Variants in ZNF385B observed in about 807,000 individuals in gnomAD.
ZNF385B encodes zinc finger protein 385B, also known as zinc finger protein 533.
A neutral mutation model predicts 39.2 loss-of-function variants in ZNF385B; 23 were observed. The observed-to-expected ratio is 0.59, with a 90% CI of 0.42 to 0.83. ZNF385B has a LOEUF of 0.83. ZNF385B is among the 40% of genes least tolerant of loss of function. ZNF385B has a pLI of 0.00. For synonymous variants in ZNF385B, 205 were observed against 222.6 expected (o/e 0.92, Z 0.70); for missense variants, 552 against 598.9 (o/e 0.92, Z 0.82).
chr2:179,748,479 A>G (rs989500735), intron 3 of ZNF385B, among the ~76,000 whole-genome samples: 11 of 152,088 alleles, frequency 7.2e-5, no homozygotes, highest in Non-Finnish European at 1.5e-4. Context: ...CAAAAGCAAA[A>G]TATCCATAAT....
At chr2:179,637,008 A>T (rs1691820975) in intron 3 of ZNF385B, among the ~76,000 whole-genome samples, 1 of 152,212 alleles carries the variant, frequency 6.6e-6, no homozygotes, top group Non-Finnish European at 1.5e-5. Context: ...ACCCAAGAGC[A>T]CTACAAGTAA....
intron 3 of ZNF385B, among the ~76,000 whole-genome samples, chr2:179,711,582 T>C (rs1700000347): frequency 6.6e-6 from 1 of 152,138 alleles, no homozygotes; most frequent in Non-Finnish European, 1.5e-5. Context: ...CTAAAGAATC[T>C]GGGAGTGGCC....
chr2:179,823,838 G>T (rs139814647), intron 1 of ZNF385B, among the ~76,000 whole-genome samples: 6 of 152,152 alleles, frequency 3.9e-5, no homozygotes, highest in Admixed American at 2.0e-4. Context: ...CCAAATATTT[G>T]CAAACACAAT....
At chr2:179,733,294 C>T (rs1229372725) in intron 3 of ZNF385B, among the ~76,000 whole-genome samples, 1 of 152,154 alleles carries the variant, frequency 6.6e-6, no homozygotes, top group Non-Finnish European at 1.5e-5. Context: ...GATGACTTCT[C>T]CTCTATATCT....
intron 5 of ZNF385B, among the ~76,000 whole-genome samples, chr2:179,516,940 G>A (rs1396665411): frequency 2.0e-5 from 3 of 151,782 alleles, no homozygotes; most frequent in Admixed American, 2.0e-4. Flanking sequence ...TAGTAGTCAA[G>A]GCGTTTTTTG....
At chr2:179,511,598 G>A (rs1041918099) in intron 5 of ZNF385B, among the ~76,000 whole-genome samples, 1 of 152,160 alleles carries the variant, frequency 6.6e-6, no homozygotes, top group East Asian at 1.9e-4. Context: ...GTCATTGAAC[G>A]ACTGCAGTTT....
At chr2:179,673,761 TTAATC>T (rs1299406206) in intron 3 of ZNF385B, among the ~76,000 whole-genome samples, 1 of 152,184 alleles carries the variant, frequency 6.6e-6, no homozygotes, top group East Asian at 1.9e-4. Flanking sequence ...TGGAATCTGT[TTAATC>T]TAAAGACAAT....
At chr2:179,485,666 T>G (rs1212257134) in intron 5 of ZNF385B, among the ~76,000 whole-genome samples, 1 of 152,202 alleles carries the variant, frequency 6.6e-6, no homozygotes, top group East Asian at 1.9e-4. Flanking sequence ...AAACATCATA[T>G]CTATATATTT....
chr2:179,807,023 A>C (rs568106063), intron 1 of ZNF385B, among the ~76,000 whole-genome samples: 1 of 152,346 alleles, frequency 6.6e-6, no homozygotes, highest in South Asian at 2.1e-4. Flanking sequence ...CATTCGGAAG[A>C]TATGTATTCT....
intron 3 of ZNF385B, among the ~76,000 whole-genome samples, chr2:179,723,264 A>T (rs566295329): frequency 6.6e-6 from 1 of 152,328 alleles, no homozygotes; most frequent in South Asian, 2.1e-4. Flanking sequence ...CACATCTCTT[A>T]AACCTGAAAC....
At chr2:179,652,842 G>C (rs1693320310) in intron 3 of ZNF385B, among the ~76,000 whole-genome samples, 1 of 39,702 alleles carries the variant, frequency 2.5e-5, no homozygotes, top group Admixed American at 2.8e-4. Flanking sequence ...ATTGAGCAAA[G>C]CACCAAAAAA....
intron 5 of ZNF385B, among the ~76,000 whole-genome samples, chr2:179,486,734 A>G (rs575314096): frequency 6.6e-6 from 1 of 152,212 alleles, no homozygotes; most frequent in South Asian, 2.1e-4. Context: ...AGGCAACATT[A>G]CGAGACCTTG....
chr2:179,665,194 A>G (rs1011408782), intron 3 of ZNF385B, among the ~76,000 whole-genome samples: 1 of 152,198 alleles, frequency 6.6e-6, no homozygotes, highest in Non-Finnish European at 1.5e-5. Flanking sequence ...ATGCTAATGT[A>G]TAGTAAGTGG....
At chr2:179,670,771 T>G (rs1022505785) in intron 3 of ZNF385B, among the ~76,000 whole-genome samples, 5 of 152,224 alleles carry the variant, frequency 3.3e-5, no homozygotes, top group Non-Finnish European at 4.4e-5. Flanking sequence ...TCTAAAGAGA[T>G]AAATTTTCTT....
chr2:179,497,517 C>A (rs2056341130), intron 5 of ZNF385B, among the ~76,000 whole-genome samples: 1 of 149,678 alleles, frequency 6.7e-6, no homozygotes, highest in Admixed American at 6.6e-5. Context: ...ATACTATTTG[C>A]AAACCTCATG....
chr2:179,741,445 G>A (rs1702081119), intron 3 of ZNF385B, among the ~76,000 whole-genome samples: 1 of 152,070 alleles, frequency 6.6e-6, no homozygotes, highest in Non-Finnish European at 1.5e-5. Flanking sequence ...GGGCAAAGGG[G>A]ATTTTGCAAT....
chr2:179,539,277 A>G (rs2059770230), intron 4 of ZNF385B, among the ~76,000 whole-genome samples: 2 of 152,092 alleles, frequency 1.3e-5, no homozygotes, highest in African/African-American at 4.8e-5. Context: ...TGCTCTTCTT[A>G]TAGGGCACTA....
At chr2:179,572,485 T>C (rs1685334192) in intron 3 of ZNF385B, among the ~76,000 whole-genome samples, 2 of 152,024 alleles carry the variant, frequency 1.3e-5, no homozygotes, top group African/African-American at 4.8e-5. Context: ...GAAGGCATCA[T>C]AGTAACCTAT....
intron 1 of ZNF385B, among the ~76,000 whole-genome samples, chr2:179,831,536 T>C (rs1377995634): frequency 6.6e-6 from 1 of 151,872 alleles, no homozygotes; most frequent in East Asian, 1.9e-4. Context: ...TAAATTAAGA[T>C]TTTTTGTTTT....
Sources: gnomAD v4.1 joint callset for allele counts (sites outside exome capture counted in the v4.1 genomes callset) on GRCh38, gnomAD v4.1.1 for gene constraint, MANE v1.5 for transcripts, NCBI Gene and HGNC (gene_info 2026-07-23, HGNC 2026-07-21) for gene names.